FLACC1: variants seen among roughly 807,000 people sequenced by gnomAD.
FLACC1 encodes flagellum associated containing coiled-coil domains 1, also known as flagellum-associated coiled-coil domain-containing protein 1.
FLACC1 carries 66 observed loss-of-function variants against 62.8 expected under a neutral mutation model. The ratio of observed to expected loss-of-function variants is 1.05; its 90% CI spans 0.86 to 1.29. The LOEUF (loss-of-function observed/expected upper bound fraction) is 1.29, where lower values mean the gene tolerates loss of function less well. Ranked by LOEUF, FLACC1 falls within the 50% of genes most tolerant of loss-of-function variation. FLACC1 has a pLI of 0.00. For missense variants in FLACC1, 452 were observed against 489.1 expected (o/e 0.92, Z 0.71); for synonymous variants, 156 against 161.0 (o/e 0.97, Z 0.24).
At chr2:201,364,252 G>A in the FLACC1 span, among the ~76,000 whole-genome samples, 2 of 151,902 alleles carry the variant, frequency 1.3e-5, no homozygotes, top group Non-Finnish European at 2.9e-5. Flanking sequence ...ACACTCCCTA[G>A]AGAGGGGGGA....
chr2:201,346,070 C>T lies in FLACC1; in HGVS notation c.368+472G>A, dbSNP rs1034064600. Among the ~76,000 whole-genome samples, 2 of 152,040 alleles carry T rather than the reference C, an allele frequency of 1.3e-5. No individual in the cohort carries two copies. Among genetic ancestry groups the T allele is most frequent in the Non-Finnish European group, 2.9e-5 (2 of 68,014 alleles). Reference sequence around the variant, plus strand: ...ATCCTAGCTACTCAAGAGGTTGAGGCGTGAGAATAGCTTAAACCTGGGAGG... The same window carrying T: ...ATCCTAGCTACTCAAGAGGTTGAGGTGTGAGAATAGCTTAAACCTGGGAGG... On this transcript the variant is annotated intron_variant, in intron 5 of 14. Transcript: ENST00000392257. This position sits in a 1 kb window ranked among gnomAD's most constrained non-coding sequence, Gnocchi z 4.0.
chr2:201,304,406 A>G (rs933475522), intron 11 of FLACC1, among the ~76,000 whole-genome samples: 1 of 152,152 alleles, frequency 6.6e-6, no homozygotes, highest in African/African-American at 2.4e-5. Context: ...GGAGAACTAC[A>G]AATCACTGCT....
At chr2:201,292,752 T>C (rs1481959591) in intron 12 of FLACC1, among the ~76,000 whole-genome samples, 1 of 152,104 alleles carries the variant, frequency 6.6e-6, no homozygotes, top group Non-Finnish European at 1.5e-5. Flanking sequence ...TCAAGACCCA[T>C]CAGTGTGCTG....
At chr2:201,311,804 A>G (rs112912505) in intron 9 of FLACC1, among the ~76,000 whole-genome samples, 8,630 of 152,244 alleles carry the variant, frequency 0.057, 689 homozygotes, top group African/African-American at 0.17. Flanking sequence ...GATTCACCAC[A>G]TAAACAGAAT....
intron 7 of FLACC1, among the ~76,000 whole-genome samples, chr2:201,339,238 T>C (rs1017251918): frequency 1.3e-5 from 2 of 152,166 alleles, no homozygotes; most frequent in Non-Finnish European, 2.9e-5. Flanking sequence ...GATGATTTCT[T>C]GTATTTCTGT....
At chr2:201,337,090 C>T (rs1950711295) in intron 7 of FLACC1, among the ~76,000 whole-genome samples, 2 of 152,160 alleles carry the variant, frequency 1.3e-5, no homozygotes, top group East Asian at 3.8e-4. Flanking sequence ...AAGAGAATGT[C>T]TCTTCACTCT....
At position 201,288,688 on chromosome 2, in the gene FLACC1, C is replaced by T. The variant is rs1949647509; in HGVS notation, c.1236G>A (p.Val412=). The T allele has an allele frequency of 6.2e-7, 1 of 1,614,060 alleles. No individual in the cohort carries two copies. Among genetic ancestry groups the T allele is most frequent in the Non-Finnish European group, 8.5e-7 (1 of 1,179,986 alleles). ...CTTGTCCTTTCTTGCTACCATCTTG[C>T]ACAGTGTCAGAATCATCCTTAGAAA... The part of the protein sequence containing the change: ...ITVSKDDSDT[V]QDGSKKGQES Residue 412 remains valine (V), a synonymous_variant, in exon 15 of 15, where the codon GTG becomes GTA. Coordinates refer to ENST00000392257, the MANE Select transcript of FLACC1 (RefSeq NM_001127391.3).
chr2:201,326,971 T>C lies in FLACC1; in HGVS notation c.675+3499A>G, dbSNP rs996069078. ...AAACAGCATGGTACTGGTATAAAAG[T>C]AGGCACATAGGCCAAGGAAACAGAA... On this transcript the variant is annotated intron_variant, in intron 9 of 14. Coordinates refer to ENST00000392257, the MANE Select transcript of FLACC1 (RefSeq NM_001127391.3). This position sits in a 1 kb window ranked among gnomAD's most constrained non-coding sequence, Gnocchi z 4.1. Among the ~76,000 whole-genome samples the C allele has an allele frequency of 3.3e-5, 5 of 152,068 alleles. No individual in the cohort carries two copies. Among genetic ancestry groups the C allele is most frequent in the Admixed American group, 6.6e-5 (1 of 15,252 alleles).
intron 9 of FLACC1, among the ~76,000 whole-genome samples, chr2:201,310,313 G>A (rs924815613): frequency 2.0e-5 from 3 of 152,140 alleles, no homozygotes; most frequent in Non-Finnish European, 4.4e-5. Flanking sequence ...AACTGAAATT[G>A]TAAGTGGTAA....
chr2:201,321,643 C>T (rs907437965), intron 9 of FLACC1, among the ~76,000 whole-genome samples: 5 of 152,124 alleles, frequency 3.3e-5, no homozygotes, highest in Admixed American at 1.3e-4. Context: ...GTATGAGAGA[C>T]GTTCACAATT....
intron 9 of FLACC1, among the ~76,000 whole-genome samples, chr2:201,311,450 G>A (rs866329741): frequency 9.8e-4 from 149 of 152,148 alleles, no homozygotes; most frequent in African/African-American, 3.4e-3. Context: ...GGCCAGGCAC[G>A]GTGGCTCATA....
At chr2:201,327,650 TA>T (rs1301526618) in intron 9 of FLACC1, among the ~76,000 whole-genome samples, 2 of 151,972 alleles carry the variant, frequency 1.3e-5, no homozygotes, top group Non-Finnish European at 2.9e-5. Context: ...TATTAAAAAG[TA>T]AAAAAACAAT....
intron 12 of FLACC1, among the ~76,000 whole-genome samples, chr2:201,291,934 A>G (rs1949745961): frequency 3.3e-5 from 5 of 152,252 alleles, no homozygotes; most frequent in Admixed American, 3.3e-4. Context: ...CAGTGATGGA[A>G]GATCAAATGA....
chr2:201,290,510 G>A (rs187866572), intron 12 of FLACC1, among the ~76,000 whole-genome samples: 1 of 152,242 alleles, frequency 6.6e-6, no homozygotes, highest in East Asian at 1.9e-4. Flanking sequence ...ATGAATAGAA[G>A]CCTGTGCAAA....
intron 1 of FLACC1, among the ~76,000 whole-genome samples, chr2:201,356,331 T>C (rs1951116571): frequency 6.6e-6 from 1 of 152,172 alleles, no homozygotes; most frequent in South Asian, 2.1e-4. Context: ...TGGCTAATTT[T>C]TGTATTTTTA....
chr2:201,289,338 C>T (rs1310995578), intron 14 of FLACC1, 119 bp downstream of exon 14: 1 of 899,872 alleles, frequency 1.1e-6, no homozygotes, highest in Admixed American at 2.2e-5. Context: ...CTCCCGAAAA[C>T]ACCTGTGCCT....
chr2:201,349,261 G>A (rs956820694), intron 3 of FLACC1, among the ~76,000 whole-genome samples: 14 of 152,292 alleles, frequency 9.2e-5, no homozygotes, highest in Non-Finnish European at 1.2e-4. Flanking sequence ...GACATGCCAA[G>A]CAAGTTCCCA....
rs1950439041 is a variant in FLACC1 at position 201,323,290 on chromosome 2, A to T, written c.675+7180T>A. Among the ~76,000 whole-genome samples the T allele has an allele frequency of 3.3e-5, 5 of 152,340 alleles. 1 individual carries two copies. The highest frequency in any genetic ancestry group is 3.3e-4 in the Admixed American group (5 of 15,306). On this transcript the variant is annotated intron_variant, in intron 9 of 14. Coordinates refer to ENST00000392257, the MANE Select transcript of FLACC1 (RefSeq NM_001127391.3). The stretch of plus-strand genomic sequence containing the variant: ...AAGATCTTCACCAAGGCATATAGTC[A>T]TCAGGCTATCTAAACTCAACATGAA...
At chr2:201,333,141 C>T (rs1023065102) in intron 7 of FLACC1, among the ~76,000 whole-genome samples, 5 of 152,114 alleles carry the variant, frequency 3.3e-5, no homozygotes, top group Admixed American at 2.6e-4. Flanking sequence ...TACAGTTTTC[C>T]ATAATGGCCA....
Sources: gnomAD v4.1 joint callset for allele counts (sites outside exome capture counted in the v4.1 genomes callset) on GRCh38, gnomAD v4.1.1 for gene constraint, Gnocchi (gnomAD v3.1) non-coding constraint, MANE v1.5 for transcripts, NCBI Gene and HGNC (gene_info 2026-07-23, HGNC 2026-07-21) for gene names.